ELP4: variants seen among roughly 807,000 people sequenced by gnomAD.
ELP4 encodes the protein elongator acetyltransferase complex subunit 4, also known as elongator complex protein 4.
Under a neutral mutation model 48.9 loss-of-function variants are expected in ELP4, and 51 were observed. The ratio of observed to expected loss-of-function variants is 1.04; its 90% CI spans 0.83 to 1.32. The LOEUF (loss-of-function observed/expected upper bound fraction) is 1.32, where lower values mean the gene tolerates loss of function less well. Ranked by LOEUF, ELP4 falls within the 40% of genes most tolerant of loss-of-function variation. The probability of loss-of-function intolerance (pLI) is 0.00; values close to 1 mark genes in which losing one functional copy is unlikely to be tolerated. For missense variants in ELP4, 519 were observed against 514.6 expected (o/e 1.01, Z -0.08); for synonymous variants, 210 against 189.2 (o/e 1.11, Z -0.90).
At chr11:31,525,903 T>C (rs1956287821) in intron 2 of ELP4, among the ~76,000 whole-genome samples, 4 of 152,168 alleles carry the variant, frequency 2.6e-5, no homozygotes. Context: ...TGGTCTTTTA[T>C]CTCTATAATA....
chr11:31,601,318 A>G (rs1417024922), intron 4 of ELP4, among the ~76,000 whole-genome samples: 1 of 152,062 alleles, frequency 6.6e-6, no homozygotes, highest in Non-Finnish European at 1.5e-5. Context: ...CTGTAAGAAT[A>G]TATTTTTATT....
intron 2 of ELP4, among the ~76,000 whole-genome samples, chr11:31,538,377 A>T (rs1022364240): frequency 1.3e-5 from 2 of 148,268 alleles, no homozygotes; most frequent in African/African-American, 4.9e-5. Context: ...TATAACTACA[A>T]TATAATTATA....
chr11:31,537,102 G>C (rs1027405570), intron 2 of ELP4, among the ~76,000 whole-genome samples: 2 of 151,974 alleles, frequency 1.3e-5, no homozygotes, highest in Non-Finnish European at 2.9e-5. Context: ...AATTATTTCA[G>C]CTTTTTTGTT....
At chr11:31,642,518 C>T (rs762903631) in intron 7 of ELP4, among the ~76,000 whole-genome samples, 44 of 151,632 alleles carry the variant, frequency 2.9e-4, no homozygotes, top group Non-Finnish European at 4.7e-4. Context: ...TTTGTGGATA[C>T]GTTTTGAGCT....
intron 9 of ELP4, among the ~76,000 whole-genome samples, chr11:31,770,369 C>T (rs1036134526): frequency 6.6e-6 from 1 of 152,110 alleles, no homozygotes; most frequent in Admixed American, 6.5e-5. Context: ...CCATGTGTGA[C>T]TTATCCATCC....
chr11:31,668,336 A>T (rs553824721), intron 9 of ELP4, among the ~76,000 whole-genome samples: 1 of 152,146 alleles, frequency 6.6e-6, no homozygotes, highest in Non-Finnish European at 1.5e-5. Flanking sequence ...ACACCATCAC[A>T]TGAGGCAAAA....
At chr11:31,694,605 T>C (rs143399386) in intron 9 of ELP4, among the ~76,000 whole-genome samples, 2,812 of 152,234 alleles carry the variant, frequency 0.018, 92 homozygotes, top group African/African-American at 0.063. Flanking sequence ...GATATGCCTC[T>C]GGCTTTGTTC....
chr11:31,572,746 T>A (rs1008613859), intron 3 of ELP4, among the ~76,000 whole-genome samples: 3 of 152,204 alleles, frequency 2.0e-5, no homozygotes, highest in Non-Finnish European at 4.4e-5. Context: ...ATACCTGTAG[T>A]CTCAGCACTT....
rs1271815220 is a variant in ELP4 at position 31,787,840 on chromosome 11, C to G, written c.*4316C>G. Reference sequence around the variant, plus strand: ...TAACTAAAAAACAGTAGATATTGAACGAGAAGGTCATGTTTAAATCCTTCC... The same window carrying G: ...TAACTAAAAAACAGTAGATATTGAAGGAGAAGGTCATGTTTAAATCCTTCC... On this transcript the variant is annotated 3_prime_UTR_variant, in exon 10 of 10. Transcript: ENST00000640961. 9.0e-6 allele frequency: 2 copies of G among 222,892 alleles called. No homozygotes were observed. Among genetic ancestry groups the G allele is most frequent in the Non-Finnish European group, 1.8e-5 (2 of 111,596 alleles). The allele number at this position is 222,892 out of a possible 1,614,324, so 13.8% of individuals were successfully genotyped here. A position where few individuals can be genotyped will look rare whatever the true frequency, so the allele number is the denominator to read the frequency against.
intron 1 of ELP4, among the ~76,000 whole-genome samples, chr11:31,518,771 C>G (rs1956162800): frequency 6.6e-6 from 1 of 150,938 alleles, no homozygotes; most frequent in South Asian, 2.1e-4. Context: ...TGGTGGGTGC[C>G]TGTAATCCCA....
chr11:31,613,778 G>A lies in ELP4; in HGVS notation c.653+9871G>A, dbSNP rs182981296. Among the ~76,000 whole-genome samples, 819 of 143,224 alleles carry A rather than the reference G, an allele frequency of 5.7e-3. 2 individuals carry two copies. The highest frequency in any genetic ancestry group is 9.2e-3 in the Non-Finnish European group (608 of 66,212). The allele number at this position is 143,224 out of a possible 152,430, so 94.0% of individuals were successfully genotyped here. On this transcript the variant is annotated intron_variant, in intron 5 of 9. Transcript: ENST00000640961. ...TTGCCTAGTGCAGTGGTGTGATCTC[G>A]GCTCACTGCAGCCTCTACCTCCTGG...
intron 1 of ELP4, among the ~76,000 whole-genome samples, chr11:31,514,715 T>A (rs767785335): frequency 3.3e-5 from 5 of 152,214 alleles, no homozygotes; most frequent in Non-Finnish European, 7.3e-5. Context: ...ATAAAATTAC[T>A]AATGGATTAC....
chr11:31,638,819 A>C (rs1474189557), intron 7 of ELP4, among the ~76,000 whole-genome samples: 2 of 151,834 alleles, frequency 1.3e-5, no homozygotes, highest in African/African-American at 4.8e-5. Context: ...AGAACTAACC[A>C]CTAATATGGG....
chr11:31,559,702 G>A (rs1045978809), intron 3 of ELP4, among the ~76,000 whole-genome samples: 19 of 151,986 alleles, frequency 1.3e-4, no homozygotes, highest in Admixed American at 3.3e-4. Flanking sequence ...TCAGGAGTTC[G>A]AGACCAGCCT....
chr11:31,582,929 C>T (rs1336992444), intron 3 of ELP4, among the ~76,000 whole-genome samples: 2 of 152,184 alleles, frequency 1.3e-5, no homozygotes, highest in East Asian at 3.9e-4. Context: ...AGAGGAAGTC[C>T]TTTCACCCCT....
At chr11:31,511,072 A>G (rs1445675191) in intron 1 of ELP4, 1 of 152,230 alleles carries the variant, frequency 6.6e-6, no homozygotes, top group East Asian at 1.9e-4. Flanking sequence ...TAAGAAGACC[A>G]GCAACCTATG....
chr11:31,518,454 T>C (rs1330281918), intron 1 of ELP4, among the ~76,000 whole-genome samples: 2 of 151,930 alleles, frequency 1.3e-5, no homozygotes, highest in East Asian at 1.9e-4. Context: ...ATTTGAATTA[T>C]ATATTTCACA....
chr11:31,624,459 G>A (rs796490498), intron 5 of ELP4, among the ~76,000 whole-genome samples: 5 of 151,748 alleles, frequency 3.3e-5, no homozygotes, highest in African/African-American at 1.2e-4. Flanking sequence ...GGGTACACCT[G>A]TATAAGACAC....
intron 9 of ELP4, among the ~76,000 whole-genome samples, chr11:31,728,506 A>G (rs1004601358): frequency 6.6e-6 from 1 of 152,130 alleles, no homozygotes; most frequent in Admixed American, 6.6e-5. Flanking sequence ...AATACCCCAA[A>G]TTTACCCAGC....
Sources: allele counts gnomAD v4.1 joint callset (sites outside exome capture counted in the v4.1 genomes callset), GRCh38; gene constraint gnomAD v4.1.1; transcripts MANE v1.5; gene names NCBI Gene and HGNC (gene_info 2026-07-23, HGNC 2026-07-21).